Variants in PRKN observed in about 807,000 individuals in gnomAD.
PRKN encodes the protein E3 ubiquitin-protein ligase parkin.
Under a neutral mutation model 59.5 loss-of-function variants are expected in PRKN, and 56 were observed. That is an observed-to-expected ratio of 0.94 (90% confidence interval 0.76 to 1.18). The LOEUF (loss-of-function observed/expected upper bound fraction) is 1.18, where lower values mean the gene tolerates loss of function less well. Among genes scored for constraint, PRKN ranks in the 50% most tolerant of loss-of-function variants. The pLI is 0.00. For synonymous variants in PRKN, 250 were observed against 222.1 expected, an observed-to-expected ratio of 1.13 and a Z score of -1.12; for missense variants, 657 against 596.4, an observed-to-expected ratio of 1.10 and a Z score of -1.06.
At chr6:162,203,650 T>C (rs77426763) in intron 3 of PRKN, among the ~76,000 whole-genome samples, 18,886 of 152,190 alleles carry the variant, frequency 0.12, 1,527 homozygotes, top group South Asian at 0.23. Flanking sequence ...AACTCTTGAA[T>C]ATGGAGTCAT....
intron 1 of PRKN, among the ~76,000 whole-genome samples, chr6:162,697,953 G>C (rs1039744522): frequency 6.6e-6 from 1 of 152,178 alleles, no homozygotes; most frequent in Non-Finnish European, 1.5e-5. Context: ...AGGAGGTATG[G>C]AGAATACAGA....
At chr6:161,709,609 G>T (rs1786656681) in intron 7 of PRKN, among the ~76,000 whole-genome samples, 1 of 152,118 alleles carries the variant, frequency 6.6e-6, no homozygotes, top group African/African-American at 2.4e-5. Flanking sequence ...TATTTAGTTT[G>T]GTTAATAGCA....
intron 9 of PRKN, among the ~76,000 whole-genome samples, chr6:161,543,295 T>C (rs773606094): frequency 6.6e-6 from 1 of 152,340 alleles, no homozygotes; most frequent in East Asian, 1.9e-4. Context: ...CAAAAACATA[T>C]ACACGTTTCT....
intron 1 of PRKN, among the ~76,000 whole-genome samples, chr6:162,499,064 T>C (rs1225005637): frequency 6.6e-6 from 1 of 152,208 alleles, no homozygotes; most frequent in African/African-American, 2.4e-5. Flanking sequence ...TGGCTCCCTG[T>C]TGTCTCTGGG....
chr6:161,772,144 C>T (rs774246903), intron 7 of PRKN, among the ~76,000 whole-genome samples: 4 of 152,116 alleles, frequency 2.6e-5, no homozygotes, highest in Non-Finnish European at 5.9e-5. Context: ...GATGAAGGAA[C>T]GGAATCTACA....
In PRKN at chr6:162,140,036, G is replaced by C. The variant is rs116118849; in HGVS notation, c.534+61095C>G. ...TATTAAAAAGGCACTCTGCATGTGA[G>C]ATAAAGTTGGGTATTTGAATGATTT... is the stretch of plus-strand genomic sequence containing the variant. On this transcript the variant is annotated intron_variant, in intron 4 of 11. Coordinates refer to ENST00000366898, the MANE Select transcript of PRKN (RefSeq NM_004562.3). Among the ~76,000 whole-genome samples, 489 of 152,278 alleles carry C rather than the reference G, an allele frequency of 3.2e-3. 2 individuals are homozygous for C. Among genetic ancestry groups the C allele is most frequent in the African/African-American group, 0.011 (469 of 41,548 alleles).
chr6:162,092,403 C>T (rs778972012), intron 4 of PRKN, among the ~76,000 whole-genome samples: 77 of 152,028 alleles, frequency 5.1e-4, no homozygotes, highest in African/African-American at 1.7e-3. Flanking sequence ...ACAGTTGAAG[C>T]AATAAATTTT....
In PRKN at chr6:162,585,942, T is replaced by C. The variant is rs1336851573; in HGVS notation, c.7+141720A>G. ...CTGGTCTTGAACTCCTGACCTCAAG[T>C]GATCCACCCGCCTCGGCCTCCCAAA... On this transcript the variant is annotated intron_variant, in intron 1 of 11. Transcript: ENST00000366898. 3.3e-5 allele frequency among the ~76,000 whole-genome samples: 5 copies of C among 152,210 alleles called. 1 individual carries two copies. The South Asian group carries it at 8.3e-4, about 25-fold the overall frequency.
chr6:161,816,169 T>C (rs1322850916), intron 6 of PRKN, among the ~76,000 whole-genome samples: 1 of 152,100 alleles, frequency 6.6e-6, no homozygotes, highest in African/African-American at 2.4e-5. Flanking sequence ...GGCTGCTCAG[T>C]ACCAACGAGG....
At chr6:161,947,520 C>G (rs1447986758) in intron 6 of PRKN, among the ~76,000 whole-genome samples, 1 of 152,162 alleles carries the variant, frequency 6.6e-6, no homozygotes, top group Non-Finnish European at 1.5e-5. Context: ...CCTGTGACTA[C>G]AGGAGGCAGC....
intron 1 of PRKN, among the ~76,000 whole-genome samples, chr6:162,462,202 G>A (rs1289632065): frequency 6.6e-6 from 1 of 152,172 alleles, no homozygotes; most frequent in Non-Finnish European, 1.5e-5. Flanking sequence ...AAGACAACAT[G>A]TTAACTAATC....
chr6:161,974,682 T>G (rs948209421), intron 5 of PRKN, among the ~76,000 whole-genome samples: 1 of 151,906 alleles, frequency 6.6e-6, no homozygotes, highest in African/African-American at 2.4e-5. Flanking sequence ...AAAAAAAAAA[T>G]ACATATATTT....
chr6:162,031,437 A>G (rs893127715), intron 5 of PRKN, among the ~76,000 whole-genome samples: 2 of 152,114 alleles, frequency 1.3e-5, no homozygotes, highest in Non-Finnish European at 2.9e-5. Context: ...AGGCAAGAGC[A>G]GCATTTATAG....
At chr6:162,345,573 C>T (rs1784364549) in intron 2 of PRKN, among the ~76,000 whole-genome samples, 1 of 152,178 alleles carries the variant, frequency 6.6e-6, no homozygotes, top group African/African-American at 2.4e-5. Context: ...CCGTATAAAT[C>T]TTTTGTTAGA....
intron 5 of PRKN, among the ~76,000 whole-genome samples, chr6:162,025,583 CTTTTTTTTTT>C (rs1177676968): frequency 1.5e-4 from 9 of 59,006 alleles, no homozygotes; most frequent in Admixed American, 6.4e-4. Flanking sequence ...ATCCATGGTG[CTTTTTTTTTT>C]TTTTTTTTTT....
chr6:162,319,976 C>A (rs1279952451), intron 2 of PRKN, among the ~76,000 whole-genome samples: 3 of 151,752 alleles, frequency 2.0e-5, no homozygotes, highest in Non-Finnish European at 2.9e-5. Context: ...ACCCACTTAC[C>A]CTGCCAAGTC....
At chr6:162,486,817 A>G (rs1434199205) in intron 1 of PRKN, among the ~76,000 whole-genome samples, 3 of 152,122 alleles carry the variant, frequency 2.0e-5, no homozygotes, top group Non-Finnish European at 2.9e-5. Flanking sequence ...TGCCTGTAAT[A>G]CCAGCATATT....
intron 1 of PRKN, among the ~76,000 whole-genome samples, chr6:162,699,722 T>C (rs1778086176): frequency 6.6e-6 from 1 of 152,096 alleles, no homozygotes; most frequent in Non-Finnish European, 1.5e-5. Context: ...TGCTTTGGCA[T>C]ACTGAACCAA....
At chr6:162,202,934 TCAC>T (rs1784790846) in intron 3 of PRKN, among the ~76,000 whole-genome samples, 1 of 152,010 alleles carries the variant, frequency 6.6e-6, no homozygotes, top group African/African-American at 2.4e-5. Flanking sequence ...AAATCCAATT[TCAC>T]AATTTTTATA....
Sources: gnomAD v4.1 joint callset for allele counts (sites outside exome capture counted in the v4.1 genomes callset) on GRCh38, gnomAD v4.1.1 for gene constraint, MANE v1.5 for transcripts, NCBI Gene and HGNC (gene_info 2026-07-23, HGNC 2026-07-21) for gene names.